Variants in RCSD1 observed in about 807,000 individuals in gnomAD.
RCSD1 encodes capZ-interacting protein.
A neutral mutation model predicts 42.5 loss-of-function variants in RCSD1; 26 were observed. The ratio of observed to expected loss-of-function variants is 0.61; its 90% CI spans 0.45 to 0.85. RCSD1 has a LOEUF of 0.85. Ranked by LOEUF, RCSD1 falls within the 40% of genes least tolerant of loss-of-function variation. The pLI is 0.00. For synonymous variants in RCSD1, 220 were observed against 212.2 expected (o/e 1.04, Z -0.32); for missense variants, 571 against 528.3 (o/e 1.08, Z -0.79).
intron 6 of RCSD1, among the ~76,000 whole-genome samples, chr1:167,701,111 A>G (rs1292489341): frequency 6.6e-6 from 1 of 152,140 alleles, no homozygotes; most frequent in Non-Finnish European, 1.5e-5. Flanking sequence ...AGCAACCTCA[A>G]GAGCACTCTC....
intron 1 of RCSD1, among the ~76,000 whole-genome samples, chr1:167,667,881 T>C (rs1345921665): frequency 6.6e-6 from 1 of 152,210 alleles, no homozygotes; most frequent in East Asian, 1.9e-4. Flanking sequence ...TTCATTCATT[T>C]ACCGGCATTT....
At chr1:167,637,983 A>G (rs1332384948) in intron 1 of RCSD1, among the ~76,000 whole-genome samples, 2 of 152,184 alleles carry the variant, frequency 1.3e-5, no homozygotes, top group East Asian at 3.8e-4. Context: ...CTATTGCACA[A>G]TCCAGCACCC....
intron 1 of RCSD1, among the ~76,000 whole-genome samples, chr1:167,662,168 G>A (rs1658554100): frequency 6.6e-6 from 1 of 152,216 alleles, no homozygotes; most frequent in African/African-American, 2.4e-5. Context: ...AGGCTTTCAA[G>A]CTGGCCAAGG....
chr1:167,692,351 A>T (rs1659395918), intron 4 of RCSD1, among the ~76,000 whole-genome samples: 1 of 152,186 alleles, frequency 6.6e-6, no homozygotes, highest in South Asian at 2.1e-4. Flanking sequence ...ATTTGCAAGC[A>T]GTCTTACAGA....
intron 1 of RCSD1, among the ~76,000 whole-genome samples, chr1:167,650,309 T>C (rs926375144): frequency 9.2e-5 from 14 of 152,092 alleles, no homozygotes; most frequent in African/African-American, 3.4e-4. Context: ...GTGTGTGTGT[T>C]GGGGTGGGGG....
intron 1 of RCSD1, among the ~76,000 whole-genome samples, chr1:167,658,256 AT>A (rs1288625794): frequency 2.0e-5 from 3 of 152,344 alleles, no homozygotes; most frequent in African/African-American, 7.2e-5. Flanking sequence ...ACATAACTAT[AT>A]AAAAAATTAC....
chr1:167,663,998 C>G (rs1325243867), intron 1 of RCSD1: 8 of 152,170 alleles, frequency 5.3e-5, no homozygotes, highest in Admixed American at 5.2e-4. Context: ...AAGTGTCTTG[C>G]CTAAGATCAC....
At chr1:167,655,784 C>A (rs1658411844) in intron 1 of RCSD1, among the ~76,000 whole-genome samples, 1 of 152,178 alleles carries the variant, frequency 6.6e-6, no homozygotes, top group Non-Finnish European at 1.5e-5. Context: ...ATACATAAGA[C>A]AACTCTCCCA....
intron 3 of RCSD1, among the ~76,000 whole-genome samples, chr1:167,688,040 C>G (rs978447844): frequency 1.3e-5 from 2 of 152,168 alleles, no homozygotes; most frequent in Non-Finnish European, 2.9e-5. Context: ...TTTTCTCCAC[C>G]GGATTGTTAG....
At chr1:167,693,804 C>T (rs1159426085) in intron 4 of RCSD1, among the ~76,000 whole-genome samples, 5 of 152,186 alleles carry the variant, frequency 3.3e-5, no homozygotes, top group Admixed American at 3.3e-4. Flanking sequence ...GCTGCTTCGC[C>T]ACTTTGTTGA....
At chr1:167,663,082 C>T (rs765428988) in intron 1 of RCSD1, among the ~76,000 whole-genome samples, 5 of 152,324 alleles carry the variant, frequency 3.3e-5, no homozygotes, top group Non-Finnish European at 5.9e-5. Context: ...TCAGTGGCCT[C>T]GCCTGCCTCC....
At chr1:167,704,215 C>G (rs1175980468) in intron 6 of RCSD1, among the ~76,000 whole-genome samples, 1 of 152,124 alleles carries the variant, frequency 6.6e-6, no homozygotes, top group Non-Finnish European at 1.5e-5. Flanking sequence ...CATTTATATG[C>G]TGCCTAAGAA....
intron 1 of RCSD1, among the ~76,000 whole-genome samples, chr1:167,673,867 A>G (rs1252517769): frequency 4.6e-5 from 7 of 152,134 alleles, no homozygotes; most frequent in Non-Finnish European, 8.8e-5. Context: ...GCAAGCTGTT[A>G]TCTGTCCTTC....
At chr1:167,695,463 G>A (rs1167676651) in intron 5 of RCSD1, among the ~76,000 whole-genome samples, 1 of 152,098 alleles carries the variant, frequency 6.6e-6, no homozygotes, top group Non-Finnish European at 1.5e-5. Context: ...TCTTAGATGG[G>A]GAACTAGGAT....
In RCSD1 at chr1:167,630,373, T is replaced by C. The variant is rs1396391212; in HGVS notation, c.-51T>C. The C allele has an allele frequency of 4.7e-6, 7 of 1,484,826 alleles. No individual in the cohort carries two copies. Among genetic ancestry groups the C allele is most frequent in the Non-Finnish European group, 5.4e-6 (6 of 1,110,228 alleles). 92.0% of individuals were successfully genotyped at this position (1,484,826 alleles called of 1,614,324 possible). On this transcript the variant is annotated 5_prime_UTR_variant, in exon 1 of 7. Coordinates refer to ENST00000367854, the MANE Select transcript of RCSD1 (RefSeq NM_052862.4). ...GGAGGGGACAGCGGGGATCGTGAGC[T>C]CCGGCCCGGGCGAGCGGGTGCGTCT...
intron 1 of RCSD1, among the ~76,000 whole-genome samples, chr1:167,663,291 A>G (rs1431359215): frequency 6.6e-6 from 1 of 152,244 alleles, no homozygotes. Context: ...CATCAGGCCT[A>G]GACCTGCAGG....
intron 1 of RCSD1, chr1:167,640,387 T>G (rs1327969228): frequency 1.3e-5 from 2 of 152,100 alleles, no homozygotes; most frequent in African/African-American, 4.8e-5. Flanking sequence ...TGCCACACCT[T>G]CTCCTCTGTG....
intron 1 of RCSD1, among the ~76,000 whole-genome samples, chr1:167,652,194 G>A (rs7548034): frequency 0.021 from 3,126 of 152,048 alleles, 107 homozygotes; most frequent in African/African-American, 0.072. Context: ...GCTAATTTTT[G>A]TATTTTTAGT....
At chr1:167,691,920 C>T (rs939315938) in intron 4 of RCSD1, among the ~76,000 whole-genome samples, 1 of 152,176 alleles carries the variant, frequency 6.6e-6, no homozygotes, top group Non-Finnish European at 1.5e-5. Context: ...TCCAGCACCC[C>T]TCCTAGCATC....
Sources: gnomAD v4.1 joint callset for allele counts (sites outside exome capture counted in the v4.1 genomes callset) on GRCh38, gnomAD v4.1.1 for gene constraint, MANE v1.5 for transcripts, NCBI Gene and HGNC (gene_info 2026-07-23, HGNC 2026-07-21) for gene names.